The following B4GALNT3 variants were observed in gnomAD, a reference collection of about 807,000 sequenced individuals.
B4GALNT3 encodes the protein beta-1,4-N-acetyl-galactosaminyltransferase 3, also known as beta-1,4-N-acetylgalactosaminyltransferase 3.
B4GALNT3 carries 86 observed loss-of-function variants against 120.2 expected under a neutral mutation model. That is an observed-to-expected ratio of 0.72 (90% CI 0.60 to 0.86). B4GALNT3 has a LOEUF of 0.86. Ranked by LOEUF, B4GALNT3 falls within the 40% of genes least tolerant of loss-of-function variation. B4GALNT3 has a pLI of 0.00. For synonymous variants in B4GALNT3, 518 were observed against 510.4 expected, an observed-to-expected ratio of 1.01 and a Z score of -0.20; for missense variants, 1,167 against 1,298.9, an observed-to-expected ratio of 0.90 and a Z score of 1.56.
At chr12:519,958 C>T (rs1483106318) in intron 1 of B4GALNT3, among the ~76,000 whole-genome samples, 1 of 152,154 alleles carries the variant, frequency 6.6e-6, no homozygotes, top group Admixed American at 6.6e-5. Context: ...TTGTTATGTC[C>T]TCTGTGTAGG....
intron 1 of B4GALNT3, among the ~76,000 whole-genome samples, chr12:461,902 A>G (rs907814033): frequency 1.3e-5 from 2 of 152,168 alleles, no homozygotes; most frequent in East Asian, 3.9e-4. Flanking sequence ...TCAGGTGAAA[A>G]TGAGGCCTTT....
At chr12:487,074 G>A (rs997170186) in intron 1 of B4GALNT3, among the ~76,000 whole-genome samples, 6 of 152,180 alleles carry the variant, frequency 3.9e-5, no homozygotes, top group Admixed American at 6.5e-5. Context: ...CTCATTAGTA[G>A]ATGGGACACA....
intron 1 of B4GALNT3, among the ~76,000 whole-genome samples, chr12:503,572 C>T (rs1592026707): frequency 6.6e-6 from 1 of 152,200 alleles, no homozygotes; most frequent in Non-Finnish European, 1.5e-5. Flanking sequence ...CTTTAAGGAA[C>T]TTGTTGCTTG....
chr12:519,260 A>G (rs983434844), intron 1 of B4GALNT3, among the ~76,000 whole-genome samples: 4 of 152,224 alleles, frequency 2.6e-5, no homozygotes, highest in African/African-American at 9.6e-5. Flanking sequence ...TGGGAAGGCT[A>G]AACAGTTAAT....
chr12:527,649 C>T (rs561486860), intron 1 of B4GALNT3, among the ~76,000 whole-genome samples: 28 of 151,078 alleles, frequency 1.9e-4, no homozygotes, highest in Admixed American at 1.1e-3. Flanking sequence ...CTTGCCCCCC[C>T]ACCATGCACA....
intron 1 of B4GALNT3, among the ~76,000 whole-genome samples, chr12:489,277 G>A (rs1467361340): frequency 6.7e-6 from 1 of 149,554 alleles, no homozygotes; most frequent in African/African-American, 2.5e-5. Flanking sequence ...CATGGCACAT[G>A]TATACCTGTG....
intron 1 of B4GALNT3, among the ~76,000 whole-genome samples, chr12:523,450 G>C (rs1946731643): frequency 6.6e-6 from 1 of 152,160 alleles, no homozygotes; most frequent in South Asian, 2.1e-4. Context: ...ACAAGACCTG[G>C]TTTCTGCCTG....
rs113599707 is a variant in B4GALNT3, at chr12:544,102, T to C, written c.352-237T>C. The stretch of plus-strand genomic sequence containing the variant: ...GGCGGGCATGGGGTGCTCATCTTCC[T>C]GGAGCTGAGGAGCTGGGACGGGCAT... On this transcript the variant is annotated intron_variant, in intron 3 of 19. Transcript: ENST00000266383. Among the ~76,000 whole-genome samples, 142 of 103,828 alleles carry C rather than the reference T, an allele frequency of 1.4e-3. 2 individuals are homozygous for C. The highest frequency in any genetic ancestry group is 4.0e-3 in the African/African-American group (105 of 26,106). The allele number at this position is 103,828 out of a possible 152,430, so 68.1% of individuals were successfully genotyped here. A position where few individuals can be genotyped will look rare whatever the true frequency, so the allele number is the denominator to read the frequency against.
chr12:558,083 G>T lies in B4GALNT3; in HGVS notation c.2602G>T (p.Val868Leu). ...SAGLQAGIDL[V>L]KDPHSIIFLC... is the part of the protein sequence containing the mutation. Reference sequence around the variant, plus strand: ...TGGACTTCAGGCTGGCATAGACCTCGTGAAGGTAAAGGGCCTGGATGGGGC... The same window carrying T: ...TGGACTTCAGGCTGGCATAGACCTCTTGAAGGTAAAGGGCCTGGATGGGGC... Residue 868 changes from valine (V) to leucine (L), a missense_variant, in exon 17 of 20, where the codon GTG (valine) becomes TTG (leucine). Coordinates refer to ENST00000266383, the MANE Select transcript of B4GALNT3 (RefSeq NM_173593.4). 6.2e-7 allele frequency: 1 copy of T among 1,613,848 alleles called. No individual in the cohort carries two copies. Among genetic ancestry groups the T allele is most frequent in the Non-Finnish European group, 8.5e-7 (1 of 1,179,992 alleles).
At chr12:496,529 G>A (rs981820749) in intron 1 of B4GALNT3, among the ~76,000 whole-genome samples, 1 of 152,092 alleles carries the variant, frequency 6.6e-6, no homozygotes, top group African/African-American at 2.4e-5. Flanking sequence ...GAACCTGGGA[G>A]GCGGAGGTTG....
intron 1 of B4GALNT3, among the ~76,000 whole-genome samples, chr12:511,760 A>C (rs1486975715): frequency 4.8e-5 from 2 of 41,436 alleles, no homozygotes; most frequent in Non-Finnish European, 9.8e-5. Context: ...ACCTTCTTCC[A>C]CCTTCCACCT....
intron 1 of B4GALNT3, among the ~76,000 whole-genome samples, chr12:497,279 G>T (rs1156752024): frequency 2.0e-5 from 3 of 152,132 alleles, no homozygotes; most frequent in Non-Finnish European, 4.4e-5. Flanking sequence ...TCAGCCTCCT[G>T]AGTAGCTGGG....
At chr12:549,729 G>A (rs1947054618) in intron 9 of B4GALNT3, 40 bp from the exon 10 acceptor site, 1 of 1,613,038 alleles carries the variant, frequency 6.2e-7, no homozygotes, top group Non-Finnish European at 8.5e-7. Flanking sequence ...CTGCGCTCCA[G>A]GCCACACAGC....
At position 552,471 on chromosome 12, in the gene B4GALNT3, A is replaced by G. The variant is rs1007016469; in HGVS notation, c.1213A>G (p.Ser405Gly). The change falls in exon 13 of 20, where the codon AGC becomes GGC. Residue 405 changes from serine to glycine, a missense_variant. This residue lies in a region of B4GALNT3 where 983 missense variants were observed against 1,102.5 expected (regional missense o/e 0.89). Transcript: ENST00000266383. ...ACACCTCCCTTCCTCCTGCAGGTTC[A>G]GCTTTCAGGAGTACATCAAGATTGA... ...QENAYYQDRFSFQEYIKIDQP... is the reference protein window; with the variant it reads ...QENAYYQDRFGFQEYIKIDQP... The G allele has an allele frequency of 1.2e-6, 2 of 1,613,850 alleles. No individual in the cohort carries two copies. The highest frequency in any genetic ancestry group is 1.7e-6 in the Non-Finnish European group (2 of 1,179,912).
intron 1 of B4GALNT3, among the ~76,000 whole-genome samples, chr12:493,330 T>C (rs1946361046): frequency 6.6e-6 from 1 of 152,340 alleles, no homozygotes; most frequent in Admixed American, 6.5e-5. Flanking sequence ...TAAGATCATA[T>C]GTCATTAGGG....
intron 1 of B4GALNT3, among the ~76,000 whole-genome samples, chr12:533,134 C>T (rs1204686357): frequency 2.0e-5 from 3 of 152,232 alleles, no homozygotes; most frequent in African/African-American, 7.2e-5. Flanking sequence ...CACGCCTGAA[C>T]CCACAACTGC....
intron 1 of B4GALNT3, among the ~76,000 whole-genome samples, chr12:473,119 C>A (rs1212469194): frequency 6.6e-6 from 1 of 152,094 alleles, no homozygotes; most frequent in Non-Finnish European, 1.5e-5. Context: ...CAGGCATACA[C>A]CACCATGCCT....
At chr12:559,904 C>G (rs1408562456) in intron 19 of B4GALNT3, among the ~76,000 whole-genome samples, 1 of 152,142 alleles carries the variant, frequency 6.6e-6, no homozygotes, top group East Asian at 1.9e-4. Context: ...AGAGGACATC[C>G]AGGAGGTGCC....
intron 3 of B4GALNT3, among the ~76,000 whole-genome samples, chr12:539,454 C>T (rs1946893328): frequency 1.3e-5 from 2 of 151,414 alleles, no homozygotes; most frequent in African/African-American, 4.9e-5. Flanking sequence ...GGGTTGTTCA[C>T]ACAGGCTTTG....
Sources: allele counts gnomAD v4.1 joint callset (sites outside exome capture counted in the v4.1 genomes callset), GRCh38; gene constraint gnomAD v4.1.1; regional missense constraint gnomAD v4.1.1; transcripts MANE v1.5; gene names NCBI Gene and HGNC (gene_info 2026-07-23, HGNC 2026-07-21).